MALRD1: variants seen among roughly 807,000 people sequenced by gnomAD.
MALRD1 encodes MAM and LDL-receptor class A domain-containing protein 1.
A neutral mutation model predicts 242.1 loss-of-function variants in MALRD1; 247 were observed. The observed-to-expected ratio is 1.02, with a 90% CI of 0.92 to 1.13. MALRD1 has a LOEUF of 1.13. Ranked by LOEUF, MALRD1 falls within the 50% of genes most tolerant of loss-of-function variation. The pLI is 0.00. For missense variants in MALRD1, 2,989 were observed against 2,533.1 expected, an observed-to-expected ratio of 1.18 and a Z score of -3.86; for synonymous variants, 995 against 866.6, an observed-to-expected ratio of 1.15 and a Z score of -2.60.
rs562410977 is a variant in MALRD1 at position 19,049,189 on chromosome 10, G to C, written c.199+52G>C. 19 of 1,219,886 alleles carry C rather than the reference G, an allele frequency of 1.6e-5. No individual in the cohort carries two copies. In the African/African-American group the frequency reaches 2.5e-4, roughly 16 times the overall value. The allele number at this position is 1,219,886 out of a possible 1,614,324, so 75.6% of individuals were successfully genotyped here. ...TTCAATTCCCCGTACAGCCTGAAAC[G>C]AGGGCCTCTGAGCAGTCTGGGAGAT... On this transcript the variant is annotated intron_variant, in intron 1 of 39. Coordinates refer to ENST00000454679, the MANE Select transcript of MALRD1 (RefSeq NM_001142308.3).
intron 28 of MALRD1, among the ~76,000 whole-genome samples, chr10:19,409,442 G>A (rs888353723): frequency 6.6e-6 from 1 of 151,978 alleles, no homozygotes; most frequent in African/African-American, 2.4e-5. Context: ...GCAACAGAGT[G>A]AGACCCCATC....
chr10:19,573,796 G>A (rs1836672841), intron 33 of MALRD1, among the ~76,000 whole-genome samples: 1 of 152,034 alleles, frequency 6.6e-6, no homozygotes, highest in Admixed American at 6.6e-5. Context: ...GAAACATGCT[G>A]CATCTGAAAC....
At chr10:19,168,077 TA>T (rs1834775441) in intron 13 of MALRD1, among the ~76,000 whole-genome samples, 1 of 152,222 alleles carries the variant, frequency 6.6e-6, no homozygotes, top group Non-Finnish European at 1.5e-5. Context: ...TTCTCTGTTT[TA>T]AAAAGGGAAT....
At chr10:19,209,721 CT>C in intron 18 of MALRD1, 41 bp downstream of exon 18, 1 of 1,463,614 alleles carries the variant, frequency 6.8e-7, no homozygotes, top group Non-Finnish European at 9.1e-7. Flanking sequence ...TGAAATGCAT[CT>C]GAATGTCTAA....
At chr10:19,292,144 T>C (rs1185416630) in intron 21 of MALRD1, among the ~76,000 whole-genome samples, 2 of 147,584 alleles carry the variant, frequency 1.4e-5, no homozygotes, top group Non-Finnish European at 3.0e-5. Flanking sequence ...AATTGTAAAA[T>C]AGTTTTGAGG....
At position 19,347,809 on chromosome 10, in the gene MALRD1, T is replaced by G. The variant is rs1844198091; in HGVS notation, c.3940T>G (p.Cys1314Gly). The change falls in exon 25 of 40, where the codon TGT becomes GGT. Residue 1314 changes from cysteine to glycine, a missense_variant. By Grantham distance (159) the Cys-to-Gly change is radical. Coordinates refer to ENST00000454679, the MANE Select transcript of MALRD1 (RefSeq NM_001142308.3). ...SGRCDFEFDL[C>G]SWKQEKDEDF... Reference sequence around the variant, plus strand: ...GCGCTGTGATTTCGAATTTGATCTTTGTTCCTGGAAGCAGGAGAAAGATGA... The same window carrying G: ...GCGCTGTGATTTCGAATTTGATCTTGGTTCCTGGAAGCAGGAGAAAGATGA... 6.4e-7 allele frequency: 1 copy of G among 1,550,406 alleles called. No individual in the cohort carries two copies. The highest frequency in any genetic ancestry group is 8.7e-7 in the Non-Finnish European group (1 of 1,146,868).
intron 23 of MALRD1, 56 bp from the exon 24 acceptor site, chr10:19,331,313 C>A (rs754421335): frequency 7.4e-7 from 1 of 1,357,674 alleles, no homozygotes; most frequent in Non-Finnish European, 1.0e-6. Context: ...TTAGTGTTTG[C>A]CCAGGTTTTG....
chr10:19,247,207 C>T (rs745696923), intron 18 of MALRD1, among the ~76,000 whole-genome samples: 7 of 151,996 alleles, frequency 4.6e-5, no homozygotes, highest in Non-Finnish European at 1.0e-4. Flanking sequence ...GTTGGTTGTA[C>T]TACTGCCACA....
intron 18 of MALRD1, among the ~76,000 whole-genome samples, chr10:19,247,065 C>T (rs2131769814): frequency 6.6e-6 from 1 of 152,120 alleles, no homozygotes; most frequent in Admixed American, 6.5e-5. Context: ...TTTAGCAAAA[C>T]TTTGACGAAA....
chr10:19,182,370 G>A (rs1267301073), intron 14 of MALRD1, among the ~76,000 whole-genome samples: 1 of 134,454 alleles, frequency 7.4e-6, no homozygotes, highest in Non-Finnish European at 1.5e-5. Context: ...TGTTGCCCAG[G>A]CTGGAGTGCA....
intron 36 of MALRD1, among the ~76,000 whole-genome samples, chr10:19,662,805 G>T (rs904803423): frequency 5.3e-5 from 8 of 152,064 alleles, no homozygotes; most frequent in African/African-American, 1.9e-4. Flanking sequence ...CAAGAAAAAT[G>T]AATCAAAAAT....
At chr10:19,682,550 G>A (rs1842416991) in intron 36 of MALRD1, among the ~76,000 whole-genome samples, 1 of 152,106 alleles carries the variant, frequency 6.6e-6, no homozygotes, top group African/African-American at 2.4e-5. Context: ...GGTGGGCTCT[G>A]CCTAATATTT....
chr10:19,128,351 A>C lies in MALRD1; in HGVS notation c.1074A>C (p.Glu358Asp), dbSNP rs1837347172. ...ATCTTCAATTCTATTATGCAATGGA[A>C]AGCAGTGTCCTGAGAGTAAGACTGT... ...SCHLQFYYAM[E>D]SSVLRVRLYN... Residue 358 changes from glutamate (E) to aspartate (D), a missense_variant, in exon 8 of 40, where the codon GAA (glutamate) becomes GAC (aspartate). Physicochemically the swap from Glu to Asp is conservative, Grantham distance 45. Coordinates refer to ENST00000454679, the MANE Select transcript of MALRD1 (RefSeq NM_001142308.3). 4.1e-6 allele frequency: 5 copies of C among 1,233,186 alleles called. No individual in the cohort carries two copies. The highest frequency in any genetic ancestry group is 8.4e-5 in the Admixed American group (2 of 23,678). The allele number at this position is 1,233,186 out of a possible 1,614,324, so 76.4% of individuals were successfully genotyped here. A position where few individuals can be genotyped will look rare whatever the true frequency, so the allele number is the denominator to read the frequency against.
chr10:19,597,070 C>T (rs576009748), intron 34 of MALRD1, among the ~76,000 whole-genome samples: 4 of 152,228 alleles, frequency 2.6e-5, no homozygotes, highest in East Asian at 1.9e-4. Flanking sequence ...TTTCCTGGTT[C>T]GGGCTGACAA....
chr10:19,372,202 T>C (rs543057596), intron 26 of MALRD1, among the ~76,000 whole-genome samples: 2 of 152,340 alleles, frequency 1.3e-5, no homozygotes, highest in South Asian at 4.1e-4. Context: ...TATAGTAATA[T>C]GAACAATGGA....
intron 11 of MALRD1, among the ~76,000 whole-genome samples, chr10:19,151,409 A>G (rs58095759): frequency 0.34 from 51,617 of 151,948 alleles, 9,183 homozygotes; most frequent in Admixed American, 0.39. Context: ...AATTTTATTT[A>G]TCATAGCTAG....
chr10:19,404,803 A>T (rs7907667), intron 28 of MALRD1, among the ~76,000 whole-genome samples: 2 of 152,124 alleles, frequency 1.3e-5, no homozygotes, highest in African/African-American at 4.8e-5. Flanking sequence ...AATAACTTCA[A>T]TGTGAACACC....
At chr10:19,176,944 G>A (rs868222044) in intron 14 of MALRD1, among the ~76,000 whole-genome samples, 6 of 151,736 alleles carry the variant, frequency 4.0e-5, no homozygotes, top group South Asian at 2.1e-4. Context: ...GATAGACACC[G>A]AGGAGTGCAG....
Position 19,205,224 on chromosome 10 carries a change from TG to T in MALRD1, c.2539del (p.Val847TrpfsTer53). 1 of 1,551,030 alleles carries T rather than the reference TG, an allele frequency of 6.4e-7. No homozygotes were observed. The highest frequency in any genetic ancestry group is 8.7e-7 in the Non-Finnish European group (1 of 1,147,070). Reference sequence around the variant, plus strand: ...ATAGAAAAGCTTCGGTTATGTGATCTGGTGGATGACTGTGGTGATCGTACTG... The same window carrying T: ...ATAGAAAAGCTTCGGTTATGTGATCTGTGGATGACTGTGGTGATCGTACTG... ...ACIEKLRLCD[L>X]VDDCGDRTDE... is the part of the protein sequence containing the mutation. On this transcript the variant is annotated frameshift_variant, in exon 17 of 40. Transcript: ENST00000454679. LOFTEE classifies it high-confidence loss of function.
Sources: allele counts gnomAD v4.1 joint callset (sites outside exome capture counted in the v4.1 genomes callset), GRCh38; gene constraint gnomAD v4.1.1; transcripts MANE v1.5; gene names NCBI Gene and HGNC (gene_info 2026-07-23, HGNC 2026-07-21).